PDE1C: variants seen among roughly 807,000 people sequenced by gnomAD.
PDE1C encodes phosphodiesterase 1C.
A neutral mutation model predicts 93.1 loss-of-function variants in PDE1C; 62 were observed. The observed-to-expected ratio is 0.67, with a 90% CI of 0.54 to 0.82. The LOEUF is 0.82. PDE1C is among the 40% of genes least tolerant of loss of function. The pLI is 0.00. For missense variants in PDE1C, 742 were observed against 884.6 expected, an observed-to-expected ratio of 0.84 and a Z score of 2.04; for synonymous variants, 325 against 310.1, an observed-to-expected ratio of 1.05 and a Z score of -0.50.
chr7:32,070,871 G>C, upstream of PDE1C: 1 of 986,228 alleles, frequency 1.0e-6, no homozygotes, highest in Non-Finnish European at 1.2e-6. Flanking sequence ...CGGCGCGGGC[G>C]GTGGGGCCTG....
At chr7:32,253,633 G>A (rs1809554434) in intron 1 of PDE1C, among the ~76,000 whole-genome samples, 1 of 152,214 alleles carries the variant, frequency 6.6e-6, no homozygotes, top group African/African-American at 2.4e-5. Context: ...GGAAAGCCAA[G>A]ATGATTTCAG....
At chr7:32,331,997 T>C (rs1317612928) in intron 1 of PDE1C, among the ~76,000 whole-genome samples, 1 of 152,114 alleles carries the variant, frequency 6.6e-6, no homozygotes, top group Non-Finnish European at 1.5e-5. Context: ...GGCACCCATC[T>C]CCCTACACAG....
At chr7:32,209,579 C>T in intron 1 of PDE1C, 2 of 1,500,576 alleles carry the variant, frequency 1.3e-6, no homozygotes, top group Non-Finnish European at 1.8e-6. Flanking sequence ...ATAAATAAAG[C>T]AATGTGTCCA....
intron 9 of PDE1C, among the ~76,000 whole-genome samples, chr7:31,844,072 A>G (rs75046855): frequency 0.091 from 13,745 of 151,786 alleles, 701 homozygotes; most frequent in East Asian, 0.2. Context: ...TACAAACCTC[A>G]TGAGATGGTG....
intron 2 of PDE1C, among the ~76,000 whole-genome samples, chr7:31,956,374 G>C (rs943800197): frequency 6.6e-6 from 1 of 152,070 alleles, no homozygotes; most frequent in Non-Finnish European, 1.5e-5. Flanking sequence ...TTACAGGTGT[G>C]AGCCACTGCA....
chr7:32,291,296 G>T (rs1244459322), intron 1 of PDE1C, among the ~76,000 whole-genome samples: 2 of 152,190 alleles, frequency 1.3e-5, no homozygotes, highest in African/African-American at 4.8e-5. Context: ...TATCAAGCAG[G>T]ATCCAGGTTA....
At chr7:31,924,821 T>A (rs1803134031) in intron 2 of PDE1C, among the ~76,000 whole-genome samples, 1 of 152,194 alleles carries the variant, frequency 6.6e-6, no homozygotes, top group Admixed American at 6.5e-5. Flanking sequence ...GGAACTTCAA[T>A]GTTCAATCAA....
intron 17 of PDE1C, among the ~76,000 whole-genome samples, chr7:31,754,296 A>G (rs1302580146): frequency 6.6e-6 from 1 of 152,238 alleles, no homozygotes; most frequent in African/African-American, 2.4e-5. Flanking sequence ...GGAATGCAAA[A>G]TGGTACAGCC....
chr7:32,309,515 C>G (rs1016480051), intron 1 of PDE1C, among the ~76,000 whole-genome samples: 11 of 152,176 alleles, frequency 7.2e-5, no homozygotes, highest in Non-Finnish European at 2.9e-5. Context: ...TCGGGTTACC[C>G]TCAAAGGGAA....
At chr7:31,998,299 G>A (rs1368221410) in intron 2 of PDE1C, among the ~76,000 whole-genome samples, 2 of 152,164 alleles carry the variant, frequency 1.3e-5, no homozygotes, top group Non-Finnish European at 2.9e-5. Flanking sequence ...GATTACAAGT[G>A]TGAGCCACCA....
At chr7:31,719,646 T>A in the PDE1C span, among the ~76,000 whole-genome samples, 1 of 152,184 alleles carries the variant, frequency 6.6e-6, no homozygotes, top group Non-Finnish European at 1.5e-5. Flanking sequence ...TCACAATGCA[T>A]GGCCGTGTGG....
At chr7:32,080,603 C>G (rs911304905) in intron 3 of PDE1C, among the ~76,000 whole-genome samples, 2 of 152,142 alleles carry the variant, frequency 1.3e-5, no homozygotes, top group African/African-American at 4.8e-5. Flanking sequence ...AATTACTGTT[C>G]CTTGCACCCT....
chr7:31,711,624 T>A, the PDE1C span, among the ~76,000 whole-genome samples: 1 of 152,236 alleles, frequency 6.6e-6, no homozygotes, highest in African/African-American at 2.4e-5. Context: ...AATTTTTGAA[T>A]GAGTAAGTAT....
chr7:31,860,488 A>G (rs1794565610), intron 7 of PDE1C, among the ~76,000 whole-genome samples: 1 of 152,192 alleles, frequency 6.6e-6, no homozygotes, highest in East Asian at 1.9e-4. Context: ...ATCCTTAGAT[A>G]CTAATGAATG....
chr7:32,128,693 G>A (rs1799725598), intron 3 of PDE1C, among the ~76,000 whole-genome samples: 1 of 151,200 alleles, frequency 6.6e-6, no homozygotes, highest in African/African-American at 2.4e-5. Context: ...CAACGTAAAC[G>A]GGTATCACAG....
At chr7:32,393,069 A>AAAG (rs1784780276) in intron 1 of PDE1C, among the ~76,000 whole-genome samples, 1 of 150,706 alleles carries the variant, frequency 6.6e-6, no homozygotes, top group Non-Finnish European at 1.5e-5. Flanking sequence ...AAAAAAAAAA[A>AAAG]AAAGCACACA....
intron 1 of PDE1C, among the ~76,000 whole-genome samples, chr7:32,068,457 TAAC>T (rs2128723126): frequency 1.3e-5 from 2 of 152,256 alleles, no homozygotes; most frequent in African/African-American, 4.8e-5. Context: ...TGTATAATAA[TAAC>T]AAATAATAGC....
intron 3 of PDE1C, among the ~76,000 whole-genome samples, chr7:32,148,843 C>A (rs1052012623): frequency 2.6e-5 from 4 of 152,128 alleles, no homozygotes; most frequent in Admixed American, 1.3e-4. Context: ...CAGGAGGCCA[C>A]TTTGCATATA....
intron 3 of PDE1C, chr7:32,077,859 A>G (rs559147250): frequency 2.0e-6 from 2 of 985,028 alleles, no homozygotes; most frequent in African/African-American, 3.5e-5. Context: ...ATACTTTATT[A>G]TTATTATTAC....
Sources: gnomAD v4.1 joint callset for allele counts (sites outside exome capture counted in the v4.1 genomes callset) on GRCh38, gnomAD v4.1.1 for gene constraint, MANE v1.5 for transcripts, NCBI Gene and HGNC (gene_info 2026-07-23, HGNC 2026-07-21) for gene names.